Variants in PPARGC1A observed in about 807,000 individuals in gnomAD.
The protein encoded by PPARGC1A is PPARG coactivator 1 alpha, also known as peroxisome proliferator-activated receptor gamma coactivator 1-alpha.
In PPARGC1A, 25 loss-of-function variants were observed where a neutral mutation model predicts 88.7. The ratio of observed to expected loss-of-function variants is 0.28; its 90% CI spans 0.21 to 0.39. The LOEUF is 0.39. Among genes scored for constraint, PPARGC1A ranks in the 10% least tolerant of loss-of-function variants. The pLI is 1.00. For synonymous variants in PPARGC1A, 363 were observed against 355.6 expected, an observed-to-expected ratio of 1.02 and a Z score of -0.24; for missense variants, 880 against 968.7, an observed-to-expected ratio of 0.91 and a Z score of 1.22.
chr4:24,092,967 C>T, the PPARGC1A span, among the ~76,000 whole-genome samples: 2 of 152,188 alleles, frequency 1.3e-5, no homozygotes, highest in Non-Finnish European at 2.9e-5. Context: ...CAATCACATG[C>T]CTTGTTTGAA....
At chr4:24,097,558 G>A in the PPARGC1A span, among the ~76,000 whole-genome samples, 1 of 151,968 alleles carries the variant, frequency 6.6e-6, no homozygotes, top group Non-Finnish European at 1.5e-5. Flanking sequence ...GATGCTAATA[G>A]CAAGGTATTT....
the PPARGC1A span, among the ~76,000 whole-genome samples, chr4:24,365,652 T>C: frequency 3.9e-5 from 6 of 152,232 alleles, no homozygotes; most frequent in African/African-American, 7.2e-5. Flanking sequence ...TTATTAAATG[T>C]ACATCAGATA....
At chr4:23,854,293 A>G (rs547856907) in intron 2 of PPARGC1A, among the ~76,000 whole-genome samples, 1 of 152,280 alleles carries the variant, frequency 6.6e-6, no homozygotes, top group African/African-American at 2.4e-5. Flanking sequence ...AGGTCACAGA[A>G]TTTTTAGCAT....
the PPARGC1A span, among the ~76,000 whole-genome samples, chr4:24,380,896 G>A: frequency 1.1e-4 from 16 of 151,616 alleles, no homozygotes; most frequent in African/African-American, 3.9e-4. Flanking sequence ...TAAATAAACA[G>A]CAGGCTGCAT....
chr4:24,372,345 C>G, the PPARGC1A span, among the ~76,000 whole-genome samples: 8 of 152,286 alleles, frequency 5.3e-5, no homozygotes, highest in Admixed American at 1.3e-4. Context: ...AGGGCTCACA[C>G]CTAGAAATTG....
At chr4:24,403,086 C>A in the PPARGC1A span, among the ~76,000 whole-genome samples, 3 of 152,204 alleles carry the variant, frequency 2.0e-5, no homozygotes, top group South Asian at 4.1e-4. Flanking sequence ...ATCCCCTGTT[C>A]AAGGTCACAT....
chr4:23,936,417 A>C, the PPARGC1A span, among the ~76,000 whole-genome samples: 1 of 152,154 alleles, frequency 6.6e-6, no homozygotes, highest in Non-Finnish European at 1.5e-5. Context: ...AATCCACAGG[A>C]CATGAAAAGC....
At chr4:23,864,987 C>T (rs1286951350) in intron 2 of PPARGC1A, among the ~76,000 whole-genome samples, 1 of 152,140 alleles carries the variant, frequency 6.6e-6, no homozygotes, top group Non-Finnish European at 1.5e-5. Flanking sequence ...AGTTTGAGAC[C>T]AGCCTGGGCA....
chr4:24,330,472 G>A, the PPARGC1A span, among the ~76,000 whole-genome samples: 2 of 152,098 alleles, frequency 1.3e-5, no homozygotes, highest in African/African-American at 4.8e-5. Flanking sequence ...ATGCCAGCCC[G>A]GGTGCCAGGC....
At chr4:24,361,732 C>A in the PPARGC1A span, among the ~76,000 whole-genome samples, 1 of 152,206 alleles carries the variant, frequency 6.6e-6, no homozygotes, top group Non-Finnish European at 1.5e-5. Flanking sequence ...AGGACCTTAA[C>A]ACAAAGAAAG....
the PPARGC1A span, among the ~76,000 whole-genome samples, chr4:24,400,057 A>G: frequency 6.6e-6 from 1 of 152,124 alleles, no homozygotes; most frequent in Non-Finnish European, 1.5e-5. Context: ...AAATGCTAGA[A>G]TTACAGGTGT....
the PPARGC1A span, among the ~76,000 whole-genome samples, chr4:24,265,923 G>A: frequency 1.3e-5 from 2 of 151,492 alleles, no homozygotes; most frequent in Non-Finnish European, 2.9e-5. Flanking sequence ...ACTAAAAAGA[G>A]GGGGAGCACA....
the PPARGC1A span, among the ~76,000 whole-genome samples, chr4:24,360,019 A>G: frequency 5.3e-5 from 8 of 152,226 alleles, no homozygotes; most frequent in East Asian, 1.6e-3. Context: ...GGATTGGGCC[A>G]CTTTTTTGCT....
chr4:24,322,917 G>A, the PPARGC1A span, among the ~76,000 whole-genome samples: 7 of 152,310 alleles, frequency 4.6e-5, no homozygotes, highest in East Asian at 1.2e-3. Flanking sequence ...ACTTCATCAC[G>A]TGTAGTCAAA....
At chr4:24,332,948 A>G in the PPARGC1A span, among the ~76,000 whole-genome samples, 1 of 152,234 alleles carries the variant, frequency 6.6e-6, no homozygotes, top group Admixed American at 6.5e-5. Context: ...ATACTTTAAA[A>G]GTGTAATAAG....
At chr4:24,079,265 G>A in the PPARGC1A span, among the ~76,000 whole-genome samples, 3 of 152,158 alleles carry the variant, frequency 2.0e-5, no homozygotes, top group African/African-American at 4.8e-5. Context: ...AGAAGAGTCA[G>A]TAGTTAAATG....
the PPARGC1A span, among the ~76,000 whole-genome samples, chr4:24,453,896 GGT>G: frequency 1.3e-5 from 2 of 151,676 alleles, no homozygotes; most frequent in Admixed American, 1.3e-4. Context: ...CCAATCAAAA[GGT>G]AGTGTCTATT....
chr4:24,330,293 G>T, the PPARGC1A span, among the ~76,000 whole-genome samples: 1 of 152,116 alleles, frequency 6.6e-6, no homozygotes, highest in African/African-American at 2.4e-5. Context: ...TTTCTGTGTC[G>T]GAATGGTCAC....
intron 2 of PPARGC1A, among the ~76,000 whole-genome samples, chr4:23,843,691 A>C (rs1560424546): frequency 6.6e-6 from 1 of 152,166 alleles, no homozygotes; most frequent in East Asian, 1.9e-4. Flanking sequence ...CAAAATTACT[A>C]AATACATATT....
Sources: gnomAD v4.1 joint callset for allele counts (sites outside exome capture counted in the v4.1 genomes callset) on GRCh38, gnomAD v4.1.1 for gene constraint, MANE v1.5 for transcripts, NCBI Gene and HGNC (gene_info 2026-07-23, HGNC 2026-07-21) for gene names.